PGC: variants seen among roughly 807,000 people sequenced by gnomAD.
PGC encodes gastricsin.
A neutral mutation model predicts 45.9 loss-of-function variants in PGC; 31 were observed. That is an observed-to-expected ratio of 0.67 (90% CI 0.51 to 0.91). The LOEUF (loss-of-function observed/expected upper bound fraction) is 0.91, where lower values mean the gene tolerates loss of function less well. Ranked by LOEUF, PGC falls within the 40% of genes least tolerant of loss-of-function variation. The pLI, the probability that PGC is intolerant of heterozygous loss-of-function variation, is 0.00. For synonymous variants in PGC, 192 were observed against 201.8 expected, an observed-to-expected ratio of 0.95 and a Z score of 0.41; for missense variants, 477 against 493.2, an observed-to-expected ratio of 0.97 and a Z score of 0.31.
intron 1 of PGC, among the ~76,000 whole-genome samples, chr6:41,745,964 A>T (rs1423117012): frequency 6.6e-6 from 1 of 151,408 alleles, no homozygotes; most frequent in Non-Finnish European, 1.5e-5. Context: ...GGAGTTCGAG[A>T]CCAGACTGGC....
chr6:41,744,332 C>T lies in PGC; in HGVS notation c.328+65G>A. 1.7e-6 allele frequency: 2 copies of T among 1,180,474 alleles called. No homozygotes were observed. Among genetic ancestry groups the T allele is most frequent in the Non-Finnish European group, 1.2e-6 (1 of 816,252 alleles). 73.1% of individuals were successfully genotyped at this position (1,180,474 alleles called of 1,614,324 possible). A position where few individuals can be genotyped will look rare whatever the true frequency, so the allele number is the denominator to read the frequency against. On this transcript the variant is annotated intron_variant, in intron 3 of 8. Transcript: ENST00000373025. This position sits in a 1 kb window ranked among gnomAD's most constrained non-coding sequence, Gnocchi z 4.4. ...CCTGAGCTCCCTCTGGAAGTTTGGC[C>T]CTCCCCAGAGGGTATCAGTGCCTTG... is the stretch of plus-strand genomic sequence containing the variant.
Position 41,736,803 on chromosome 6 carries a change from G to A in PGC, c.*49C>T. On this transcript the variant is annotated 3_prime_UTR_variant, in exon 9 of 9. Transcript: ENST00000373025. The stretch of plus-strand genomic sequence containing the variant: ...AAAGACAGATACAATGCCCTAGGAG[G>A]GTGCAGGGTCAAGAGGAAGAGGGGA... The A allele has an allele frequency of 5.6e-6, 9 of 1,596,802 alleles. No individual in the cohort carries two copies. The highest frequency in any genetic ancestry group is 7.7e-6 in the Non-Finnish European group (9 of 1,164,464).
At chr6:41,742,192 T>C in intron 5 of PGC, 98 bp downstream of exon 5, 1 of 1,083,826 alleles carries the variant, frequency 9.2e-7, no homozygotes, top group South Asian at 1.4e-5. Flanking sequence ...CCCGCTGGGA[T>C]GCCTCCAAAC....
At position 41,736,806 on chromosome 6, in the gene PGC, G is replaced by A. The variant is rs748537297; in HGVS notation, c.*46C>T. Reference sequence around the variant, plus strand: ...GACAGATACAATGCCCTAGGAGGGTGCAGGGTCAAGAGGAAGAGGGGAGCC... The same window carrying A: ...GACAGATACAATGCCCTAGGAGGGTACAGGGTCAAGAGGAAGAGGGGAGCC... On this transcript the variant is annotated 3_prime_UTR_variant, in exon 9 of 9. Transcript: ENST00000373025. The A allele has an allele frequency of 1.2e-6, 2 of 1,601,500 alleles. No individual in the cohort carries two copies. Among genetic ancestry groups the A allele is most frequent in the East Asian group, 4.5e-5 (2 of 44,832 alleles).
At chr6:41,738,253 T>TATATATATATACATATATATACAC (rs1771753363) in intron 7 of PGC, among the ~76,000 whole-genome samples, 2 of 13,052 alleles carry the variant, frequency 1.5e-4, no homozygotes, top group African/African-American at 3.5e-4. Context: ...TATATATGCA[T>TATATATATATACATATATATACAC]ATATATATAT....
At chr6:41,746,162 C>CAA (rs11461815) in intron 1 of PGC, among the ~76,000 whole-genome samples, 11 of 145,036 alleles carry the variant, frequency 7.6e-5, no homozygotes, top group African/African-American at 1.5e-4. Flanking sequence ...AGTTCTGTTT[C>CAA]AAAAAAAAAA....
chr6:41,746,280 C>T (rs1488698531), intron 1 of PGC, among the ~76,000 whole-genome samples: 5 of 152,342 alleles, frequency 3.3e-5, no homozygotes, highest in Non-Finnish European at 7.4e-5. Context: ...GCAACGGCAA[C>T]AGCACTAGCT....
Position 41,743,321 on chromosome 6 carries a change from G to T in PGC, c.397C>A (p.Gln133Lys). The change falls in exon 4 of 9, where the codon CAG becomes AAG. Residue 133 changes from glutamine (Q) to lysine (K), a missense_variant. Coordinates refer to ENST00000373025, the MANE Select transcript of PGC (RefSeq NM_002630.4). ...YSTNGQTFSL[Q>K]YGSGSLTGFF... Reference sequence around the variant, plus strand: ...CCGGTGAGGCTGCCACTGCCATACTGCAGGGAGAAGGTCTGCCCATTGGTG... The same window carrying T: ...CCGGTGAGGCTGCCACTGCCATACTTCAGGGAGAAGGTCTGCCCATTGGTG... 6.2e-7 allele frequency: 1 copy of T among 1,614,062 alleles called. No individual in the cohort carries two copies. Among genetic ancestry groups the T allele is most frequent in the Non-Finnish European group, 8.5e-7 (1 of 1,179,894 alleles).
intron 1 of PGC, among the ~76,000 whole-genome samples, chr6:41,746,149 C>T (rs189581870): frequency 7.4e-5 from 11 of 148,650 alleles, no homozygotes; most frequent in Admixed American, 2.0e-4. Context: ...GCAACAAGAG[C>T]GAAGTTCTGT....
chr6:41,747,136 T>C, intron 1 of PGC, 140 bp downstream of exon 1: 1 of 708,132 alleles, frequency 1.4e-6, no homozygotes, highest in South Asian at 1.7e-5. Context: ...CTGTCTAACA[T>C]CAGCAAAGGG....
At chr6:41,738,657 G>A (rs1392172413) in intron 7 of PGC, among the ~76,000 whole-genome samples, 1 of 148,352 alleles carries the variant, frequency 6.7e-6, no homozygotes, top group Non-Finnish European at 1.5e-5. Context: ...CAACAACAAC[G>A]ACAAAAACAA....
At chr6:41,738,160 ATATATG>A (rs1771732246) in intron 7 of PGC, among the ~76,000 whole-genome samples, 3 of 78,564 alleles carry the variant, frequency 3.8e-5, no homozygotes, top group Non-Finnish European at 7.3e-5. Flanking sequence ...ATATATACAT[ATATATG>A]CATATATATA....
intron 1 of PGC, among the ~76,000 whole-genome samples, chr6:41,745,193 C>A (rs1267591331): frequency 2.0e-5 from 3 of 152,040 alleles, no homozygotes; most frequent in African/African-American, 7.2e-5. Flanking sequence ...ATAGATTCCT[C>A]CCCAGGAAAG....
chr6:41,738,203 C>CAT (rs10595601), intron 7 of PGC, among the ~76,000 whole-genome samples: 7 of 10,868 alleles, frequency 6.4e-4, no homozygotes, highest in Non-Finnish European at 2.4e-3. Flanking sequence ...TATATATATG[C>CAT]ATATATATAT....
At chr6:41,742,200 A>G in intron 5 of PGC, 90 bp downstream of exon 5, 2 of 1,231,190 alleles carry the variant, frequency 1.6e-6, no homozygotes, top group Non-Finnish European at 2.3e-6. Context: ...GATGCCTCCA[A>G]ACCCCAAAGC....
At chr6:41,745,549 GTT>G (rs58088265) in intron 1 of PGC, among the ~76,000 whole-genome samples, 11 of 124,888 alleles carry the variant, frequency 8.8e-5, no homozygotes, top group Admixed American at 1.5e-4. Flanking sequence ...AGGATATGTA[GTT>G]TTTTTTTTTT....
chr6:41,740,950 G>C, intron 5 of PGC: 1 of 1,505,522 alleles, frequency 6.6e-7, no homozygotes, highest in Non-Finnish European at 8.8e-7. Flanking sequence ...GGGCTTTCTG[G>C]CCAGGCCTTG....
In PGC at chr6:41,744,987, CTG is replaced by C. The variant is rs758613659; in HGVS notation, c.60-181_60-180del. Among the ~76,000 whole-genome samples, 23,407 of 83,526 alleles carry C rather than the reference CTG, an allele frequency of 0.28. 2,214 individuals are homozygous for C. The highest frequency in any genetic ancestry group is 0.42 in the East Asian group (1,339 of 3,180). 54.8% of individuals were successfully genotyped at this position (83,526 alleles called of 152,430 possible). On this transcript the variant is annotated intron_variant, in intron 1 of 8. Transcript: ENST00000373025. The surrounding 1 kb of genome is among the most constrained non-coding windows in gnomAD (Gnocchi z 4.4). ...CCTTTTGCTCTCTGTCTCTGTCTGT[CTG>C]TCTCTCTGTGTGTGTGTGTGTGTGT...
chr6:41,743,422 C>G (rs767405506), intron 3 of PGC, 33 bp from the exon 4 acceptor site: 3 of 1,382,452 alleles, frequency 2.2e-6, no homozygotes, highest in Non-Finnish European at 3.1e-6. Flanking sequence ...GGAGTCAGGC[C>G]GGCTGGGGCA....
Sources: gnomAD v4.1 joint callset for allele counts (sites outside exome capture counted in the v4.1 genomes callset) on GRCh38, gnomAD v4.1.1 for gene constraint, Gnocchi (gnomAD v3.1) non-coding constraint, MANE v1.5 for transcripts, NCBI Gene and HGNC (gene_info 2026-07-23, HGNC 2026-07-21) for gene names.